PLK4: variants seen among roughly 807,000 people sequenced by gnomAD.
PLK4 encodes the protein serine/threonine-protein kinase PLK4.
Under a neutral mutation model 103.0 loss-of-function variants are expected in PLK4, and 51 were observed. That is an observed-to-expected ratio of 0.50 (90% CI 0.40 to 0.63). The LOEUF (loss-of-function observed/expected upper bound fraction) is 0.63, where lower values mean the gene tolerates loss of function less well. Ranked by LOEUF, PLK4 falls within the 20% of genes least tolerant of loss-of-function variation. The probability of loss-of-function intolerance (pLI) is 0.00; values close to 1 mark genes in which losing one functional copy is unlikely to be tolerated. For missense variants in PLK4, 1,054 were observed against 1,151.0 expected (o/e 0.92, Z 1.22); for synonymous variants, 389 against 376.8 (o/e 1.03, Z -0.38).
chr4:127,897,492 A>G (rs1735612829), intron 15 of PLK4, among the ~76,000 whole-genome samples: 2 of 152,234 alleles, frequency 1.3e-5, no homozygotes, highest in African/African-American at 4.8e-5. Context: ...GACGATGCCA[A>G]TGCAGGCGTT....
chr4:127,898,312 T>TA lies in PLK4; in HGVS notation c.2811-126dup, dbSNP rs542511387. 1.3e-4 allele frequency: 77 copies of TA among 577,184 alleles called. 1 individual carries two copies. Among genetic ancestry groups the TA allele is most frequent in the Admixed American group, 5.3e-4 (15 of 28,366 alleles). 35.8% of individuals were successfully genotyped at this position (577,184 alleles called of 1,614,324 possible). On this transcript the variant is annotated intron_variant, in intron 15 of 15. Transcript: ENST00000270861. ...ATTTAGGTATCTAATAAATAATTGT[T>TA]ATAATTTTTCTGAGGTGCCTCTTGT...
At chr4:127,887,363 T>C in intron 5 of PLK4, 33 bp from the exon 6 acceptor site, 1 of 1,187,500 alleles carries the variant, frequency 8.4e-7, no homozygotes, top group Non-Finnish European at 1.2e-6. Flanking sequence ...AATTTTTTAT[T>C]AGTTTATGGG....
rs372897153 is a variant in PLK4, at chr4:127,885,931, A to C, written c.561A>C (p.Ala187=). The C allele has an allele frequency of 6.2e-7, 1 of 1,614,188 alleles. No individual in the cohort carries two copies. The highest frequency in any genetic ancestry group is 8.5e-7 in the Non-Finnish European group (1 of 1,179,998). ...CACCAGAAATTGCCACTCGAAGTGC[A>C]CATGGCCTTGAATCTGATGTTTGGT... ...YISPEIATRS[A]HGLESDVWSL... is the part of the protein sequence containing the mutation. Residue 187 remains alanine, a synonymous_variant, in exon 5 of 16, where the codon GCA becomes GCC. Coordinates refer to ENST00000270861, the MANE Select transcript of PLK4 (RefSeq NM_014264.5).
In PLK4 at chr4:127,895,018, T is replaced by C; in HGVS notation, c.2628T>C (p.Ser876=). 5.6e-6 allele frequency: 9 copies of C among 1,609,578 alleles called. No individual in the cohort carries two copies. Among genetic ancestry groups the C allele is most frequent in the Non-Finnish European group, 6.8e-6 (8 of 1,176,410 alleles). ...CTGGAACAGACATCTCTTCTAATAG[T>C]CTAAAAGATTGTCTTCCTAAATCAG... ...TASGTDISSN[S]LKDCLPKSAQ... is the part of the protein sequence containing the mutation. Residue 876 remains serine (S), a synonymous_variant, in exon 14 of 16, where the codon AGT becomes AGC. Coordinates refer to ENST00000270861, the MANE Select transcript of PLK4 (RefSeq NM_014264.5).
intron 9 of PLK4, 174 bp downstream of exon 9, chr4:127,891,855 A>G: frequency 2.9e-6 from 1 of 350,210 alleles, no homozygotes; most frequent in East Asian, 4.4e-5. Flanking sequence ...AATGTTTATT[A>G]TTAATATTCT....
Position 127,886,098 on chromosome 4 carries a change from A to C in PLK4, c.728A>C (p.His243Pro). ...FLSIEAKDLIHQLLRRNPADR... is the reference protein window; with the variant it reads ...FLSIEAKDLIPQLLRRNPADR... Reference sequence around the variant, plus strand: ...TCAATAGAGGCCAAGGACCTTATTCACCAGTTACTTCGTAGAAATCCAGCA... The same window carrying C: ...TCAATAGAGGCCAAGGACCTTATTCCCCAGTTACTTCGTAGAAATCCAGCA... Residue 243 changes from histidine (H) to proline (P), a missense_variant, in exon 5 of 16, where the codon CAC becomes CCC. His to Pro is a moderately conservative substitution (Grantham distance 77). This residue lies in a region of PLK4 where 680 missense variants were observed against 660.3 expected (regional missense o/e 1.03). Transcript: ENST00000270861. 6.2e-7 allele frequency: 1 copy of C among 1,614,208 alleles called. No homozygotes were observed. The highest frequency in any genetic ancestry group is 8.5e-7 in the Non-Finnish European group (1 of 1,180,020).
rs1406231671 is a variant in PLK4 at position 127,886,199 on chromosome 4, G to A, written c.829G>A (p.Gly277Arg). 1 of 1,614,074 alleles carries A rather than the reference G, an allele frequency of 6.2e-7. No homozygotes were observed. Reference protein sequence around the residue: ...RNSSTKSKDLGTVEDSIDSGH... With the variant: ...RNSSTKSKDLRTVEDSIDSGH... ...TTCTTCAACAAAAAGTAAAGATTTA[G>A]GAACTGTGGAAGACTCAATTGATAG... is the stretch of plus-strand genomic sequence containing the variant. The change falls in exon 5 of 16, where the codon GGA becomes AGA. Residue 277 changes from glycine to arginine, a missense_variant. By Grantham distance (125) the Gly-to-Arg change is moderately radical (BLOSUM62 -2). Around this residue, in one of 4 missense-constraint regions of PLK4, gnomAD observed 680 missense variants for 660.3 expected, o/e 1.03. Coordinates refer to ENST00000270861, the MANE Select transcript of PLK4 (RefSeq NM_014264.5).
At chr4:127,894,919 G>C (rs1187553612) in intron 13 of PLK4, 34 bp from the exon 14 acceptor site, 13 of 1,376,180 alleles carry the variant, frequency 9.4e-6, no homozygotes, top group Non-Finnish European at 1.3e-5. Context: ...AAAATGCTGA[G>C]GAATAATATC....
rs984209766 is a variant in PLK4, at chr4:127,881,412, C to T, written c.30+248C>T. ...CCGGCAGTGTCCCGAGGCACTGCGG[C>T]TTTCTTTCAGCAATCCCGCCCGAGC... On this transcript the variant is annotated intron_variant, in intron 1 of 15. Transcript: ENST00000270861. The T allele has an allele frequency of 7.1e-6, 10 of 1,408,988 alleles. No individual in the cohort carries two copies. The African/African-American group carries it at 1.4e-4, about 20-fold the overall frequency. The allele number at this position is 1,408,988 out of a possible 1,614,324, so 87.3% of individuals were successfully genotyped here.
intron 4 of PLK4, among the ~76,000 whole-genome samples, chr4:127,884,247 T>A (rs763238030): frequency 2.0e-5 from 3 of 152,252 alleles, no homozygotes; most frequent in Non-Finnish European, 4.4e-5. Context: ...AAATGATTGT[T>A]TTCAAGTTAT....
Position 127,881,046 on chromosome 4 carries a change from G to T in PLK4, c.-89G>T. ...GTTTAGAGAGCCGAGCCTGATGGGC[G>T]CCAAGGCCGGCTGGCTGCTTGGAGC... On this transcript the variant is annotated 5_prime_UTR_variant, in exon 1 of 16. Transcript: ENST00000270861. The T allele has an allele frequency of 6.7e-7, 1 of 1,488,616 alleles. No homozygotes were observed. Among genetic ancestry groups the T allele is most frequent in the Non-Finnish European group, 9.3e-7 (1 of 1,071,432 alleles). 92.2% of individuals were successfully genotyped at this position (1,488,616 alleles called of 1,614,324 possible). A position where few individuals can be genotyped will look rare whatever the true frequency, so the allele number is the denominator to read the frequency against.
At chr4:127,894,351 C>T (rs934797549) in intron 13 of PLK4, among the ~76,000 whole-genome samples, 5 of 152,022 alleles carry the variant, frequency 3.3e-5, no homozygotes, top group African/African-American at 4.8e-5. Flanking sequence ...CTCAGCCTCC[C>T]GAGTAGCTGG....
In PLK4 at chr4:127,881,049, A is replaced by C; in HGVS notation, c.-86A>C. On this transcript the variant is annotated 5_prime_UTR_variant, in exon 1 of 16. Transcript: ENST00000270861. ...TAGAGAGCCGAGCCTGATGGGCGCCAAGGCCGGCTGGCTGCTTGGAGCGCT... is the reference window on the plus strand; with the variant it reads ...TAGAGAGCCGAGCCTGATGGGCGCCCAGGCCGGCTGGCTGCTTGGAGCGCT... 6.6e-7 allele frequency: 1 copy of C among 1,522,364 alleles called. No individual in the cohort carries two copies. The highest frequency in any genetic ancestry group is 1.7e-5 in the Admixed American group (1 of 58,644). The allele number at this position is 1,522,364 out of a possible 1,614,324, so 94.3% of individuals were successfully genotyped here. A position where few individuals can be genotyped will look rare whatever the true frequency, so the allele number is the denominator to read the frequency against.
chr4:127,888,952 GT>G (rs1735248438), intron 6 of PLK4, among the ~76,000 whole-genome samples: 1 of 151,948 alleles, frequency 6.6e-6, no homozygotes, highest in African/African-American at 2.4e-5. Flanking sequence ...GATAATTCAG[GT>G]TTGTTTTTTA....
Position 127,899,002 on chromosome 4 carries a change from G to C in PLK4, c.*461G>C, listed in dbSNP as rs1400467297. Reference sequence around the variant, plus strand: ...GTATATTTGTTTTATATTTATTTTTGTAACACCAGTGTCTGATGAAACATT... The same window carrying C: ...GTATATTTGTTTTATATTTATTTTTCTAACACCAGTGTCTGATGAAACATT... On this transcript the variant is annotated 3_prime_UTR_variant, in exon 16 of 16. Coordinates refer to ENST00000270861, the MANE Select transcript of PLK4 (RefSeq NM_014264.5). 1 of 152,272 alleles carries C rather than the reference G, an allele frequency of 6.6e-6. No individual in the cohort carries two copies. The highest frequency in any genetic ancestry group is 2.4e-5 in the African/African-American group (1 of 41,314). 9.4% of individuals were successfully genotyped at this position (152,272 alleles called of 1,614,324 possible).
Position 127,892,503 on chromosome 4 carries a change from G to C in PLK4, c.2177G>C (p.Trp726Ser), listed in dbSNP as rs1171869032. Reference protein sequence around the residue: ...ENSPGADFEVWFYDGVKIHKT... With the variant: ...ENSPGADFEVSFYDGVKIHKT... ...TCTCCTGGTGCTGATTTTGAGGTTT[G>C]GTTTTATGATGGTAAGTACCATTTG... The change falls in exon 10 of 16, where the codon TGG becomes TCG. Residue 726 changes from tryptophan (W) to serine (S), a missense_variant. Physicochemically the swap from Trp to Ser is radical, Grantham distance 177. Coordinates refer to ENST00000270861, the MANE Select transcript of PLK4 (RefSeq NM_014264.5). 2 of 1,606,138 alleles carry C rather than the reference G, an allele frequency of 1.2e-6. No individual in the cohort carries two copies. Among genetic ancestry groups the C allele is most frequent in the Non-Finnish European group, 8.5e-7 (1 of 1,176,250 alleles).
At chr4:127,890,473 A>G (rs1287463456) in intron 7 of PLK4, among the ~76,000 whole-genome samples, 1 of 152,186 alleles carries the variant, frequency 6.6e-6, no homozygotes, top group Non-Finnish European at 1.5e-5. Context: ...ATTAATTTAA[A>G]GTAGATTTGA....
At chr4:127,893,131 A>C in intron 10 of PLK4, 154 bp from the exon 11 acceptor site, 2 of 487,320 alleles carry the variant, frequency 4.1e-6, no homozygotes, top group Admixed American at 3.8e-5. Flanking sequence ...TATTTATTGA[A>C]TGCTTTGATA....
chr4:127,887,532 T>A, intron 6 of PLK4, 36 bp downstream of exon 6: 1 of 1,191,876 alleles, frequency 8.4e-7, no homozygotes, highest in Non-Finnish European at 1.2e-6. Context: ...CAAGAATTAA[T>A]TACTTGGAAA....
Sources: gnomAD v4.1 joint callset for allele counts (sites outside exome capture counted in the v4.1 genomes callset) on GRCh38, gnomAD v4.1.1 for gene constraint, gnomAD v4.1.1 regional missense constraint, MANE v1.5 for transcripts, NCBI Gene and HGNC (gene_info 2026-07-23, HGNC 2026-07-21) for gene names.